GRIA1: variants seen among roughly 807,000 people sequenced by gnomAD.
The protein encoded by GRIA1 is glutamate ionotropic receptor AMPA type subunit 1.
In GRIA1, 31 loss-of-function variants were observed where a neutral mutation model predicts 99.2. That is an observed-to-expected ratio of 0.31 (90% CI 0.23 to 0.42). GRIA1 has a LOEUF of 0.42. GRIA1 is among the 10% of genes least tolerant of loss of function. The probability of loss-of-function intolerance (pLI) is 1.00; values close to 1 mark genes in which losing one functional copy is unlikely to be tolerated. For missense variants in GRIA1, 782 were observed against 1,157.5 expected (o/e 0.68, Z 4.71); for synonymous variants, 438 against 432.4 (o/e 1.01, Z -0.16).
intron 11 of GRIA1, among the ~76,000 whole-genome samples, chr5:153,724,477 G>A (rs1760345102): frequency 6.6e-6 from 1 of 152,122 alleles, no homozygotes; most frequent in South Asian, 2.1e-4. Context: ...CAAACCAAAG[G>A]CAAAGAAGTT....
chr5:153,506,615 G>A (rs929353321), intron 2 of GRIA1, among the ~76,000 whole-genome samples: 1 of 152,056 alleles, frequency 6.6e-6, no homozygotes, highest in African/African-American at 2.4e-5. Context: ...GGCTATAGAG[G>A]TGTCACACCT....
intron 13 of GRIA1, among the ~76,000 whole-genome samples, chr5:153,773,659 C>G (rs963342274): frequency 6.6e-6 from 1 of 151,998 alleles, no homozygotes; most frequent in Non-Finnish European, 1.5e-5. Flanking sequence ...ACATAACAAG[C>G]CATTTATTGA....
intron 2 of GRIA1, among the ~76,000 whole-genome samples, chr5:153,591,960 CT>C (rs1349550242): frequency 1.3e-5 from 2 of 152,148 alleles, no homozygotes; most frequent in African/African-American, 4.8e-5. Context: ...TGGGCTACCC[CT>C]TTTAGTGTGT....
chr5:153,741,933 TTAA>T (rs77928408), intron 11 of GRIA1, among the ~76,000 whole-genome samples: 1 of 100,668 alleles, frequency 9.9e-6, no homozygotes, highest in Non-Finnish European at 2.0e-5. Context: ...AAAGCTTTTT[TTAA>T]AAAAAAAAAA....
intron 2 of GRIA1, among the ~76,000 whole-genome samples, chr5:153,627,791 T>C (rs1051629821): frequency 5.9e-5 from 9 of 152,148 alleles, no homozygotes; most frequent in African/African-American, 2.2e-4. Context: ...ATGGAAAGCA[T>C]ACGAGAAAAA....
intron 2 of GRIA1, among the ~76,000 whole-genome samples, chr5:153,532,853 A>C (rs546271353): frequency 6.6e-6 from 1 of 152,298 alleles, no homozygotes; most frequent in East Asian, 1.9e-4. Context: ...TCTAGCTAAT[A>C]AAAAATAAAT....
At chr5:153,749,602 T>G (rs368423337) in intron 11 of GRIA1, among the ~76,000 whole-genome samples, 38 of 152,108 alleles carry the variant, frequency 2.5e-4, no homozygotes, top group African/African-American at 8.9e-4. Context: ...AAGAAATCAC[T>G]CATTACCAGG....
chr5:153,700,360 G>T (rs575975226), intron 10 of GRIA1, among the ~76,000 whole-genome samples: 34 of 152,274 alleles, frequency 2.2e-4, no homozygotes, highest in African/African-American at 8.2e-4. Flanking sequence ...ACTCCAGCCT[G>T]GGAGACAAGA....
At chr5:153,626,224 G>C (rs1435369562) in intron 2 of GRIA1, among the ~76,000 whole-genome samples, 1 of 152,200 alleles carries the variant, frequency 6.6e-6, no homozygotes, top group East Asian at 1.9e-4. Flanking sequence ...TTTTAAATAG[G>C]AGAGAAAAGC....
chr5:153,776,376 T>C (rs749919844), intron 13 of GRIA1, among the ~76,000 whole-genome samples: 2 of 152,144 alleles, frequency 1.3e-5, no homozygotes, highest in Non-Finnish European at 2.9e-5. Flanking sequence ...CAAACTGATT[T>C]TGGCAAGGAC....
At chr5:153,752,399 C>T (rs1264411947) in intron 11 of GRIA1, among the ~76,000 whole-genome samples, 4 of 152,140 alleles carry the variant, frequency 2.6e-5, no homozygotes, top group Non-Finnish European at 5.9e-5. Flanking sequence ...TCCTTCCATG[C>T]TACTTTCTTA....
chr5:153,752,516 G>C (rs894913041), intron 11 of GRIA1, among the ~76,000 whole-genome samples: 1 of 152,136 alleles, frequency 6.6e-6, no homozygotes, highest in African/African-American at 2.4e-5. Flanking sequence ...TAACAGTACT[G>C]TGCTGAGCAC....
At chr5:153,774,306 T>A (rs994882804) in intron 13 of GRIA1, among the ~76,000 whole-genome samples, 4 of 152,064 alleles carry the variant, frequency 2.6e-5, no homozygotes, top group African/African-American at 9.7e-5. Context: ...CATTTGTGCT[T>A]CCTTTGGACC....
intron 7 of GRIA1, among the ~76,000 whole-genome samples, chr5:153,680,161 G>A (rs1756870516): frequency 6.6e-6 from 1 of 152,122 alleles, no homozygotes; most frequent in Non-Finnish European, 1.5e-5. Context: ...CGGCCAAACA[G>A]GGAAGACACA....
At chr5:153,534,835 T>C (rs1439198875) in intron 2 of GRIA1, among the ~76,000 whole-genome samples, 2 of 152,220 alleles carry the variant, frequency 1.3e-5, no homozygotes, top group Non-Finnish European at 1.5e-5. Context: ...TATCACTGTC[T>C]TCAGAGAAAA....
chr5:153,670,205 G>A (rs938079856), intron 5 of GRIA1, among the ~76,000 whole-genome samples: 11 of 152,178 alleles, frequency 7.2e-5, no homozygotes, highest in Middle Eastern at 3.2e-3. Flanking sequence ...ATGGGGCAAT[G>A]TGAAATGCTA....
At chr5:153,552,915 C>T (rs1308340910) in intron 2 of GRIA1, among the ~76,000 whole-genome samples, 1 of 152,086 alleles carries the variant, frequency 6.6e-6, no homozygotes, top group Non-Finnish European at 1.5e-5. Flanking sequence ...ATTTATTTCT[C>T]CAGCTTTTCT....
intron 2 of GRIA1, among the ~76,000 whole-genome samples, chr5:153,607,042 G>GATATATATATATATATATATATATAT (rs59233877): frequency 7.8e-5 from 10 of 127,772 alleles, no homozygotes; most frequent in African/African-American, 2.3e-4. Flanking sequence ...TATCACAAAA[G>GATATATATATATATATATATATATAT]ATATATATAT....
At chr5:153,763,002 T>C (rs1763283468) in intron 11 of GRIA1, among the ~76,000 whole-genome samples, 1 of 152,218 alleles carries the variant, frequency 6.6e-6, no homozygotes, top group African/African-American at 2.4e-5. Context: ...CTGCTCCTCA[T>C]GCGACATAGC....
Sources: gnomAD v4.1 joint callset for allele counts (sites outside exome capture counted in the v4.1 genomes callset) on GRCh38, gnomAD v4.1.1 for gene constraint, MANE v1.5 for transcripts, NCBI Gene and HGNC (gene_info 2026-07-23, HGNC 2026-07-21) for gene names.